Variants in NXPH2 observed in about 807,000 individuals in gnomAD.
NXPH2 encodes the protein neurexophilin-2.
In NXPH2, 5 loss-of-function variants were observed where a neutral mutation model predicts 19.8. The ratio of observed to expected loss-of-function variants is 0.25; its 90% confidence interval spans 0.13 to 0.53. The LOEUF is 0.53. Ranked by LOEUF, NXPH2 falls within the 20% of genes least tolerant of loss-of-function variation. NXPH2 has a pLI of 0.96. For synonymous variants in NXPH2, 154 were observed against 127.4 expected (o/e 1.21, Z -1.41); for missense variants, 289 against 322.8 (o/e 0.90, Z 0.80).
intron 1 of NXPH2, among the ~76,000 whole-genome samples, chr2:138,681,235 G>A (rs1390978005): frequency 2.0e-5 from 3 of 152,274 alleles, no homozygotes; most frequent in Middle Eastern, 3.4e-3. Flanking sequence ...TTGTCTTTAT[G>A]TTTATAGGTG....
intron 1 of NXPH2, among the ~76,000 whole-genome samples, chr2:138,755,254 G>A (rs1030981432): frequency 1.3e-5 from 2 of 151,866 alleles, no homozygotes; most frequent in African/African-American, 4.8e-5. Context: ...ATGACCCAAG[G>A]TCACATAGAT....
chr2:138,696,507 C>A (rs1171120973), intron 1 of NXPH2, among the ~76,000 whole-genome samples: 55 of 152,178 alleles, frequency 3.6e-4, no homozygotes. Context: ...AGTGCTCCAT[C>A]TCATTAGTCA....
intron 1 of NXPH2, among the ~76,000 whole-genome samples, chr2:138,723,902 C>T (rs1033418729): frequency 5.3e-5 from 8 of 150,094 alleles, no homozygotes; most frequent in African/African-American, 1.5e-4. Flanking sequence ...GATTATTTCA[C>T]CATTGCTCCT....
intron 1 of NXPH2, among the ~76,000 whole-genome samples, chr2:138,686,912 A>G (rs1490661182): frequency 1.3e-5 from 2 of 152,138 alleles, no homozygotes; most frequent in Non-Finnish European, 2.9e-5. Flanking sequence ...ATAGTATTCC[A>G]TGGTGTATAT....
chr2:138,723,932 T>TTA (rs1288900953), intron 1 of NXPH2, among the ~76,000 whole-genome samples: 2 of 50,696 alleles, frequency 3.9e-5, no homozygotes, highest in Non-Finnish European at 8.4e-5. Flanking sequence ...GGGTCATAAT[T>TTA]TCTTTTTTTT....
chr2:138,698,787 G>C (rs960946393), intron 1 of NXPH2, among the ~76,000 whole-genome samples: 1 of 152,168 alleles, frequency 6.6e-6, no homozygotes, highest in African/African-American at 2.4e-5. Context: ...CCAGGAATTA[G>C]AGGGGGCAGT....
intron 1 of NXPH2, among the ~76,000 whole-genome samples, chr2:138,707,512 C>T (rs1681035010): frequency 6.6e-6 from 1 of 152,124 alleles, no homozygotes; most frequent in African/African-American, 2.4e-5. Flanking sequence ...TGTCTGACCC[C>T]AAAGAGCATT....
At chr2:138,749,436 A>C (rs1016873950) in intron 1 of NXPH2, among the ~76,000 whole-genome samples, 18 of 152,158 alleles carry the variant, frequency 1.2e-4, no homozygotes, top group African/African-American at 4.3e-4. Flanking sequence ...TATGTTTATA[A>C]AATTCCTTTT....
At chr2:138,719,044 T>A (rs572943654) in intron 1 of NXPH2, among the ~76,000 whole-genome samples, 2 of 152,208 alleles carry the variant, frequency 1.3e-5, no homozygotes, top group Non-Finnish European at 2.9e-5. Flanking sequence ...CACTTGTTTA[T>A]GTTTATTCCT....
intron 1 of NXPH2, among the ~76,000 whole-genome samples, chr2:138,770,735 T>G (rs1336031959): frequency 6.6e-6 from 1 of 152,032 alleles, no homozygotes; most frequent in Non-Finnish European, 1.5e-5. Context: ...AACAACCTAA[T>G]AATGTACCAG....
At chr2:138,731,062 T>C (rs1681440702) in intron 1 of NXPH2, among the ~76,000 whole-genome samples, 1 of 152,210 alleles carries the variant, frequency 6.6e-6, no homozygotes, top group Non-Finnish European at 1.5e-5. Context: ...TACAGGTCCC[T>C]GTTCCTCTCC....
intron 1 of NXPH2, among the ~76,000 whole-genome samples, chr2:138,677,456 C>A (rs72860156): frequency 6.6e-6 from 1 of 152,026 alleles, no homozygotes; most frequent in African/African-American, 2.4e-5. Flanking sequence ...GCTTTTTCTG[C>A]GTCTTACAGA....
At chr2:138,723,558 C>A (rs1285419739) in intron 1 of NXPH2, among the ~76,000 whole-genome samples, 1 of 152,208 alleles carries the variant, frequency 6.6e-6, no homozygotes, top group Non-Finnish European at 1.5e-5. Context: ...CCATGTGGAA[C>A]CCTGGCCCTA....
intron 1 of NXPH2, among the ~76,000 whole-genome samples, chr2:138,762,715 G>A (rs1173843075): frequency 6.6e-6 from 1 of 152,198 alleles, no homozygotes; most frequent in Non-Finnish European, 1.5e-5. Context: ...GACAGCCTAA[G>A]ATAGGATGCC....
intron 1 of NXPH2, among the ~76,000 whole-genome samples, chr2:138,738,889 C>T (rs1408836629): frequency 1.3e-5 from 2 of 152,134 alleles, no homozygotes; most frequent in Non-Finnish European, 2.9e-5. Flanking sequence ...GGTGGACAGG[C>T]CTATAAGACC....
Position 138,691,678 on chromosome 2 carries a change from T to A in NXPH2, c.52-20013A>T, listed in dbSNP as rs552373387. ...CGACAAGGTAAGAAGTGTAATCACT[T>A]TGCTGGAAAGACCACACATGGAGGC... is the stretch of plus-strand genomic sequence containing the variant. On this transcript the variant is annotated intron_variant, in intron 1 of 1. Coordinates refer to ENST00000272641, the MANE Select transcript of NXPH2 (RefSeq NM_007226.3). 2.6e-5 allele frequency among the ~76,000 whole-genome samples: 4 copies of A among 152,276 alleles called. No homozygotes were observed. The East Asian group carries it at 7.7e-4, about 29-fold the overall frequency.
intron 1 of NXPH2, among the ~76,000 whole-genome samples, chr2:138,761,588 C>A (rs1372028861): frequency 6.6e-6 from 1 of 152,100 alleles, no homozygotes; most frequent in Admixed American, 6.6e-5. Flanking sequence ...TGTAGAAAAT[C>A]CAAAAGGGGT....
In NXPH2 at chr2:138,674,391, T is replaced by C. The variant is rs1680455996; in HGVS notation, c.52-2726A>G. 3.9e-5 allele frequency among the ~76,000 whole-genome samples: 6 copies of C among 152,106 alleles called. No individual in the cohort carries two copies. In the South Asian group the frequency reaches 1.2e-3, roughly 31 times the overall value. On this transcript the variant is annotated intron_variant, in intron 1 of 1. Coordinates refer to ENST00000272641, the MANE Select transcript of NXPH2 (RefSeq NM_007226.3). ...CTGGTCTCAAACTCCTGGCCTCAAG[T>C]GATCTGCCTGCCTTGGCCTCCCAAA...
chr2:138,719,428 T>C (rs900299973), intron 1 of NXPH2, among the ~76,000 whole-genome samples: 1 of 152,200 alleles, frequency 6.6e-6, no homozygotes, highest in Non-Finnish European at 1.5e-5. Context: ...TTCTGAATTG[T>C]TTTACTGTTT....
Sources: allele counts gnomAD v4.1 joint callset (sites outside exome capture counted in the v4.1 genomes callset), GRCh38; gene constraint gnomAD v4.1.1; transcripts MANE v1.5; gene names NCBI Gene and HGNC (gene_info 2026-07-23, HGNC 2026-07-21).